Variants in MAGI2 observed in about 807,000 individuals in gnomAD.
The protein encoded by MAGI2 is membrane-associated guanylate kinase, WW and PDZ domain-containing protein 2.
In MAGI2, 35 loss-of-function variants were observed where a neutral mutation model predicts 133.3. The ratio of observed to expected loss-of-function variants is 0.26; its 90% CI spans 0.20 to 0.35. MAGI2 has a LOEUF of 0.35. MAGI2 is among the 10% of genes least tolerant of loss of function. The pLI is 1.00. For missense variants in MAGI2, 1,636 were observed against 1,863.4 expected (o/e 0.88, Z 2.25); for synonymous variants, 729 against 710.6 (o/e 1.03, Z -0.41).
At chr7:79,106,678 T>C (rs1258452163) in intron 1 of MAGI2, among the ~76,000 whole-genome samples, 1 of 152,186 alleles carries the variant, frequency 6.6e-6, no homozygotes, top group Non-Finnish European at 1.5e-5. Context: ...AGATAATTTC[T>C]ATACACTGAG....
intron 21 of MAGI2, among the ~76,000 whole-genome samples, chr7:78,031,326 C>T (rs1012080790): frequency 7.9e-5 from 12 of 152,078 alleles, no homozygotes; most frequent in Non-Finnish European, 1.2e-4. Context: ...ATAGAATTTA[C>T]ACTAAAAAGG....
At chr7:78,806,647 C>T (rs1043302803) in intron 2 of MAGI2, among the ~76,000 whole-genome samples, 32 of 152,022 alleles carry the variant, frequency 2.1e-4, no homozygotes, top group African/African-American at 7.7e-4. Flanking sequence ...GAGAGAATTG[C>T]GTGAGCCCCC....
chr7:78,387,439 G>A (rs1440366313), intron 6 of MAGI2, among the ~76,000 whole-genome samples: 1 of 152,206 alleles, frequency 6.6e-6, no homozygotes, highest in African/African-American at 2.4e-5. Context: ...TTGGATGGAA[G>A]AGGAGAGGAG....
intron 6 of MAGI2, among the ~76,000 whole-genome samples, chr7:78,455,353 G>T (rs895561918): frequency 1.3e-5 from 2 of 152,016 alleles, no homozygotes; most frequent in African/African-American, 4.8e-5. Flanking sequence ...AAGAAATATT[G>T]ATTCTGTCAT....
At chr7:78,707,553 A>G (rs1386297356) in intron 2 of MAGI2, among the ~76,000 whole-genome samples, 1 of 152,100 alleles carries the variant, frequency 6.6e-6, no homozygotes, top group Non-Finnish European at 1.5e-5. Flanking sequence ...TTATTTCTCT[A>G]CTTAGAAATT....
chr7:78,797,514 CTTT>C lies in MAGI2; in HGVS notation c.419-170278_419-170276del, dbSNP rs147512052. Among the ~76,000 whole-genome samples, 1,289 of 151,988 alleles carry C rather than the reference CTTT, an allele frequency of 8.5e-3. 39 individuals are homozygous for C. Among genetic ancestry groups the C allele is most frequent in the Admixed American group, 0.05 (766 of 15,246 alleles). On this transcript the variant is annotated intron_variant, in intron 2 of 21. Transcript: ENST00000354212. ...TTTATTTCTGCAACATCCAGTGTTT[CTTT>C]ATTATGTGAATGAATTTTAAGAAGA... is the stretch of plus-strand genomic sequence containing the variant.
chr7:78,303,635 T>G (rs1166887463), intron 9 of MAGI2, among the ~76,000 whole-genome samples: 3 of 152,170 alleles, frequency 2.0e-5, no homozygotes, highest in Admixed American at 1.3e-4. Context: ...TCGTTCACTT[T>G]CCTTTTTCAA....
chr7:78,724,973 A>T (rs540835712), intron 2 of MAGI2, among the ~76,000 whole-genome samples: 1 of 152,344 alleles, frequency 6.6e-6, no homozygotes, highest in South Asian at 2.1e-4. Context: ...TTGAAATGTT[A>T]AAGAAAAAAA....
rs114236869 is a variant in MAGI2, at chr7:79,091,064, G to T, written c.302-83858C>A. Among the ~76,000 whole-genome samples, 1,022 of 151,750 alleles carry T rather than the reference G, an allele frequency of 6.7e-3. 10 individuals are homozygous for T. Among genetic ancestry groups the T allele is most frequent in the African/African-American group, 0.023 (968 of 41,344 alleles). On this transcript the variant is annotated intron_variant, in intron 1 of 21. Coordinates refer to ENST00000354212, the MANE Select transcript of MAGI2 (RefSeq NM_012301.4). ...CACCTTAGTGCTGCGAAGTTTAAAA[G>T]ATATTATTACCTCTTATCTTCTTCT...
intron 1 of MAGI2, among the ~76,000 whole-genome samples, chr7:79,234,613 C>T (rs1483743244): frequency 1.3e-5 from 2 of 152,186 alleles, no homozygotes; most frequent in Middle Eastern, 3.4e-3. Context: ...GCATTCTTCA[C>T]GTAGGTCTCG....
chr7:79,429,291 T>C (rs1371031950), intron 1 of MAGI2, among the ~76,000 whole-genome samples: 2 of 152,038 alleles, frequency 1.3e-5, no homozygotes, highest in African/African-American at 4.8e-5. Context: ...AAAAAGCAAT[T>C]TTTAATTTCT....
At chr7:78,343,529 A>T (rs1431805154) in intron 9 of MAGI2, among the ~76,000 whole-genome samples, 1 of 152,250 alleles carries the variant, frequency 6.6e-6, no homozygotes, top group Admixed American at 6.5e-5. Context: ...GTCAATCTCA[A>T]GAGTCCATTG....
intron 2 of MAGI2, among the ~76,000 whole-genome samples, chr7:78,863,810 C>A (rs1208834323): frequency 6.6e-6 from 1 of 152,224 alleles, no homozygotes; most frequent in African/African-American, 2.4e-5. Context: ...TGTCAAGTGT[C>A]TCCTGTTTAT....
At chr7:78,445,760 T>C (rs535666061) in intron 6 of MAGI2, among the ~76,000 whole-genome samples, 3 of 152,132 alleles carry the variant, frequency 2.0e-5, no homozygotes, top group South Asian at 2.1e-4. Flanking sequence ...AATGTGACAA[T>C]TTCAGGACAG....
chr7:79,112,431 C>A (rs1338705156), intron 1 of MAGI2, among the ~76,000 whole-genome samples: 1 of 152,186 alleles, frequency 6.6e-6, no homozygotes, highest in Admixed American at 6.5e-5. Context: ...AGATACACCT[C>A]AATTTCTCTA....
chr7:78,907,484 G>T (rs1798072455), intron 2 of MAGI2, among the ~76,000 whole-genome samples: 1 of 152,070 alleles, frequency 6.6e-6, no homozygotes, highest in Admixed American at 6.6e-5. Flanking sequence ...TTATTATAAT[G>T]ATTTTTCCAA....
At chr7:78,392,673 C>T (rs966787068) in intron 6 of MAGI2, among the ~76,000 whole-genome samples, 21 of 152,062 alleles carry the variant, frequency 1.4e-4, no homozygotes, top group African/African-American at 4.1e-4. Context: ...ATATTTATTT[C>T]GCTCCTGTTG....
intron 1 of MAGI2, among the ~76,000 whole-genome samples, chr7:79,195,897 G>A (rs1828038840): frequency 6.6e-6 from 1 of 152,014 alleles, no homozygotes. Flanking sequence ...TCACTCATAT[G>A]TGGAATCTTA....
chr7:78,499,772 A>G (rs1794454709), intron 5 of MAGI2, among the ~76,000 whole-genome samples: 1 of 152,218 alleles, frequency 6.6e-6, no homozygotes, highest in Admixed American at 6.5e-5. Context: ...TATATAATAA[A>G]ACTATGTATG....
Sources: gnomAD v4.1 joint callset for allele counts (sites outside exome capture counted in the v4.1 genomes callset) on GRCh38, gnomAD v4.1.1 for gene constraint, MANE v1.5 for transcripts, NCBI Gene and HGNC (gene_info 2026-07-23, HGNC 2026-07-21) for gene names.